The following SLCO1B3 variants were observed in gnomAD, a reference collection of about 807,000 sequenced individuals.
SLCO1B3 encodes the protein liver-specific organic anion transporter 2.
In SLCO1B3, 72 loss-of-function variants were observed where a neutral mutation model predicts 71.8. That is an observed-to-expected ratio of 1.00 (90% CI 0.83 to 1.22). SLCO1B3 has a LOEUF of 1.22. Among genes scored for constraint, SLCO1B3 ranks in the 50% most tolerant of loss-of-function variants. The pLI is 0.00. For synonymous variants in SLCO1B3, 298 were observed against 278.4 expected, an observed-to-expected ratio of 1.07 and a Z score of -0.70; for missense variants, 911 against 819.7, an observed-to-expected ratio of 1.11 and a Z score of -1.36.
At chr12:20,877,967 TA>T in intron 10 of SLCO1B3, 31 bp downstream of exon 10, 1 of 1,447,870 alleles carries the variant, frequency 6.9e-7, no homozygotes, top group South Asian at 1.3e-5. Flanking sequence ...GTTTGCTTGA[TA>T]AATGAAACAC....
chr12:20,841,234 C>G (rs1261309012), intron 3 of SLCO1B3, among the ~76,000 whole-genome samples: 2 of 152,042 alleles, frequency 1.3e-5, no homozygotes, highest in Non-Finnish European at 2.9e-5. Context: ...TTTTATGGAT[C>G]CAAGAATCAT....
rs889122335 is a variant in SLCO1B3 at position 20,880,872 on chromosome 12, C to T, written c.1349C>T (p.Ser450Phe). 2.5e-6 allele frequency: 4 copies of T among 1,596,202 alleles called. No homozygotes were observed. The highest frequency in any genetic ancestry group is 3.4e-6 in the Non-Finnish European group (4 of 1,169,914). Reference sequence around the variant, plus strand: ...ATTTTCAGAAATAATTCAGTGGCATCTCATGTAGATGTACCACTTTCTTAT... The same window carrying T: ...ATTTTCAGAAATAATTCAGTGGCATTTCATGTAGATGTACCACTTTCTTAT... Reference protein sequence around the residue: ...LTYDGNNSVASHVDVPLSYCN... With the variant: ...LTYDGNNSVAFHVDVPLSYCN... The change falls in exon 12 of 16, where the codon TCT (serine) becomes TTT (phenylalanine). Residue 450 changes from serine (S) to phenylalanine (F), a missense_variant. Ser to Phe is a radical substitution (Grantham distance 155). Transcript: ENST00000381545.
chr12:20,827,709 C>G (rs1864454260), intron 3 of SLCO1B3, among the ~76,000 whole-genome samples: 1 of 152,038 alleles, frequency 6.6e-6, no homozygotes, highest in South Asian at 2.1e-4. Flanking sequence ...GTAGCTGGGA[C>G]TGCAGGCACA....
At chr12:20,840,312 T>A (rs1467725634) in intron 3 of SLCO1B3, among the ~76,000 whole-genome samples, 2 of 152,086 alleles carry the variant, frequency 1.3e-5, no homozygotes, top group Admixed American at 1.3e-4. Context: ...AGAAGAGGCA[T>A]CCTACAGTTC....
At chr12:20,890,326 C>G (rs1865879705) in intron 13 of SLCO1B3, among the ~76,000 whole-genome samples, 1 of 152,096 alleles carries the variant, frequency 6.6e-6, no homozygotes, top group Non-Finnish European at 1.5e-5. Flanking sequence ...GAGAATTCTT[C>G]TAGGTACTAA....
At chr12:20,903,075 A>G (rs558403775) in intron 15 of SLCO1B3, among the ~76,000 whole-genome samples, 5 of 149,942 alleles carry the variant, frequency 3.3e-5, no homozygotes, top group East Asian at 3.9e-4. Context: ...TTCCATCTCA[A>G]AAAAAAAAAA....
At chr12:20,850,262 T>A (rs1864998640) in intron 3 of SLCO1B3, among the ~76,000 whole-genome samples, 1 of 136,972 alleles carries the variant, frequency 7.3e-6, no homozygotes, top group Non-Finnish European at 1.6e-5. Context: ...ATTATTTTAT[T>A]TATTTATTTA....
At chr12:20,887,160 A>G (rs1323418161) in intron 13 of SLCO1B3, among the ~76,000 whole-genome samples, 1 of 152,102 alleles carries the variant, frequency 6.6e-6, no homozygotes, top group African/African-American at 2.4e-5. Flanking sequence ...TGCTTTTGTC[A>G]CTAGTGCTGT....
chr12:20,840,037 A>G (rs1005541402), intron 3 of SLCO1B3, among the ~76,000 whole-genome samples: 9 of 152,098 alleles, frequency 5.9e-5, no homozygotes, highest in East Asian at 1.9e-4. Flanking sequence ...TCTCGGCTTA[A>G]ATTGCTCATC....
intron 13 of SLCO1B3, among the ~76,000 whole-genome samples, chr12:20,894,711 A>C (rs1226027843): frequency 1.3e-5 from 2 of 152,164 alleles, no homozygotes; most frequent in Non-Finnish European, 2.9e-5. Context: ...GAGAAATCTG[A>C]TATTTGAGAG....
chr12:20,891,222 A>G (rs2163905), intron 13 of SLCO1B3, among the ~76,000 whole-genome samples: 106,013 of 151,872 alleles, frequency 0.7, 39,484 homozygotes, highest in South Asian at 0.89. Context: ...GTTTGCGACA[A>G]ATTCCCTTAG....
At chr12:20,906,085 A>T (rs2120416366) in intron 15 of SLCO1B3, among the ~76,000 whole-genome samples, 1 of 152,284 alleles carries the variant, frequency 6.6e-6, no homozygotes, top group South Asian at 2.1e-4. Flanking sequence ...CACCCCCATG[A>T]TCCAATCACC....
At chr12:20,821,290 G>T (rs982965478) in intron 3 of SLCO1B3, among the ~76,000 whole-genome samples, 17 of 152,164 alleles carry the variant, frequency 1.1e-4, no homozygotes, top group Non-Finnish European at 4.4e-5. Flanking sequence ...AAAATTGAAA[G>T]TGCCGTTTTT....
chr12:20,842,687 T>A (rs1864828734), intron 3 of SLCO1B3, among the ~76,000 whole-genome samples: 1 of 152,246 alleles, frequency 6.6e-6, no homozygotes, highest in South Asian at 2.1e-4. Context: ...GACTTGTTTC[T>A]ACTATCTTAG....
chr12:20,877,400 CAAAGA>C (rs1402428485), intron 9 of SLCO1B3, among the ~76,000 whole-genome samples: 1 of 151,914 alleles, frequency 6.6e-6, no homozygotes, highest in Non-Finnish European at 1.5e-5. Flanking sequence ...GATTAGAAAG[CAAAGA>C]AAATTCCAGT....
intron 3 of SLCO1B3, among the ~76,000 whole-genome samples, chr12:20,833,008 A>G (rs951948410): frequency 7.2e-5 from 11 of 152,178 alleles, no homozygotes; most frequent in African/African-American, 2.7e-4. Context: ...AACTAAACTC[A>G]GGGGGTTGGC....
intron 3 of SLCO1B3, among the ~76,000 whole-genome samples, chr12:20,842,524 T>C (rs1864824911): frequency 6.6e-6 from 1 of 152,136 alleles, no homozygotes; most frequent in Admixed American, 6.6e-5. Context: ...TTGCTTCTTA[T>C]TCTTTTACCA....
intron 2 of SLCO1B3, among the ~76,000 whole-genome samples, chr12:20,813,839 A>C (rs948175020): frequency 7.2e-5 from 11 of 152,214 alleles, no homozygotes; most frequent in Non-Finnish European, 1.5e-4. Flanking sequence ...GGAATGATGG[A>C]TTAATATTTG....
At chr12:20,824,526 G>A (rs2121104071) in intron 3 of SLCO1B3, among the ~76,000 whole-genome samples, 1 of 152,242 alleles carries the variant, frequency 6.6e-6, no homozygotes, top group East Asian at 1.9e-4. Context: ...GAACAGCCAT[G>A]GTTAAAGACA....
Sources: gnomAD v4.1 joint callset for allele counts (sites outside exome capture counted in the v4.1 genomes callset) on GRCh38, gnomAD v4.1.1 for gene constraint, MANE v1.5 for transcripts, NCBI Gene and HGNC (gene_info 2026-07-23, HGNC 2026-07-21) for gene names.